The following COL9A3 variants were observed in gnomAD, a reference collection of about 807,000 sequenced individuals.
COL9A3 encodes the protein collagen type IX alpha 3 chain.
A neutral mutation model predicts 110.2 loss-of-function variants in COL9A3; 82 were observed. The observed-to-expected ratio is 0.74, with a 90% CI of 0.62 to 0.89. The LOEUF is 0.89. Ranked by LOEUF, COL9A3 falls within the 40% of genes least tolerant of loss-of-function variation. The pLI is 0.00. For synonymous variants in COL9A3, 494 were observed against 403.8 expected (o/e 1.22, Z -2.68); for missense variants, 1,066 against 981.3 (o/e 1.09, Z -1.15).
At position 62,824,994 on chromosome 20, in the gene COL9A3, G is replaced by A. The variant is rs1232007775; in HGVS notation, c.603G>A (p.Gln201=). 7 of 1,610,340 alleles carry A rather than the reference G, an allele frequency of 4.3e-6. No individual in the cohort carries two copies. The highest frequency in any genetic ancestry group is 1.7e-5 in the Admixed American group (1 of 59,828). ...FKGPTGYKGE[Q]GEVGKDGEKG... ...GACCCACTGGCTACAAAGGCGAGCA[G>A]GGGGAAGTCGGCAAGGACGGCGAGA... The change falls in exon 12 of 32, where the codon CAG becomes CAA. Residue 201 remains glutamine (Q), a synonymous_variant. Transcript: ENST00000649368.
In COL9A3 at chr20:62,821,175, C is replaced by T; in HGVS notation, c.310-6C>T. 1 of 1,612,998 alleles carries T rather than the reference C, an allele frequency of 6.2e-7. No homozygotes were observed. On this transcript the variant is annotated splice_polypyrimidine_tract_variant and splice_region_variant and intron_variant, in intron 5 of 31. Transcript: ENST00000649368. ...CCCAACCTAGACGCCTGCTTTCCTCCCACAGGGAAGTCTGGGACCCCCGGG... is the reference window on the plus strand; with the variant it reads ...CCCAACCTAGACGCCTGCTTTCCTCTCACAGGGAAGTCTGGGACCCCCGGG...
Position 62,830,518 on chromosome 20 carries a change from G to A in COL9A3, c.1217G>A (p.Gly406Asp). Residue 406 changes from glycine to aspartate, a missense_variant and splice_region_variant, in exon 24 of 32, where the codon GGC becomes GAC. Transcript: ENST00000649368. The stretch of plus-strand genomic sequence containing the variant: ...ACGAGCCAGGACCTCCTTCCCCAGG[G>A]CCAGAAGGGCAGCATGGGAGACCCC... Reference protein sequence around the residue: ...PGAPGVRGFQGQKGSMGDPGL... With the variant: ...PGAPGVRGFQDQKGSMGDPGL... The A allele has an allele frequency of 6.2e-7, 1 of 1,608,184 alleles. No homozygotes were observed. Among genetic ancestry groups the A allele is most frequent in the Non-Finnish European group, 8.5e-7 (1 of 1,178,394 alleles).
At chr20:62,832,632 T>C (rs2063605243) in intron 25 of COL9A3, among the ~76,000 whole-genome samples, 1 of 117,660 alleles carries the variant, frequency 8.5e-6, no homozygotes, top group Non-Finnish European at 2.0e-5. Flanking sequence ...TTCGAAGCAC[T>C]CTTCTTTTTG....
intron 30 of COL9A3, among the ~76,000 whole-genome samples, 156 bp from the exon 31 acceptor site, chr20:62,838,528 G>A (rs769196033): frequency 1.8e-4 from 28 of 152,238 alleles, no homozygotes; most frequent in Non-Finnish European, 2.8e-4. Flanking sequence ...GTCGGACCCC[G>A]TCAAGCCCTA....
chr20:62,839,496 C>G (rs1259785571), intron 31 of COL9A3, among the ~76,000 whole-genome samples: 3 of 152,214 alleles, frequency 2.0e-5, no homozygotes, highest in Non-Finnish European at 4.4e-5. Context: ...TTCTCAAAAC[C>G]AGGAGGCCTT....
In COL9A3 at chr20:62,828,180, G is replaced by A. The variant is rs559576979; in HGVS notation, c.900+204G>A. 2.0e-4 allele frequency among the ~76,000 whole-genome samples: 31 copies of A among 152,346 alleles called. No individual in the cohort carries two copies. In the East Asian group the frequency reaches 6.0e-3, roughly 29 times the overall value. Reference sequence around the variant, plus strand: ...GAGTGTGCAGGAGTAGGGGCCTCAGGCTGGGTTTACCTGCACAGAGGACAC... The same window carrying A: ...GAGTGTGCAGGAGTAGGGGCCTCAGACTGGGTTTACCTGCACAGAGGACAC... On this transcript the variant is annotated intron_variant, in intron 17 of 31. Coordinates refer to ENST00000649368, the MANE Select transcript of COL9A3 (RefSeq NM_001853.4).
chr20:62,829,082 G>A (rs1338311763), intron 19 of COL9A3, 106 bp downstream of exon 19: 4 of 1,261,482 alleles, frequency 3.2e-6, no homozygotes, highest in Non-Finnish European at 4.4e-6. Flanking sequence ...GACTCCCTGT[G>A]AGGGGTTCTG....
intron 22 of COL9A3, among the ~76,000 whole-genome samples, 161 bp from the exon 23 acceptor site, chr20:62,830,199 G>A (rs2063584574): frequency 6.6e-6 from 1 of 152,080 alleles, no homozygotes; most frequent in East Asian, 1.9e-4. Flanking sequence ...AACTGCCCTG[G>A]GAGGTAGCCC....
At chr20:62,830,290 G>C in intron 22 of COL9A3, 70 bp from the exon 23 acceptor site, 1 of 1,521,726 alleles carries the variant, frequency 6.6e-7, no homozygotes, top group South Asian at 1.2e-5. Flanking sequence ...GCTGAGCCAG[G>C]CTCCCTGGGG....
chr20:62,835,724 T>TA (rs1428827830), intron 26 of COL9A3, among the ~76,000 whole-genome samples, 197 bp from the exon 27 acceptor site: 1 of 152,184 alleles, frequency 6.6e-6, no homozygotes, highest in African/African-American at 2.4e-5. Context: ...AGTAAGTTTT[T>TA]AAAAAGCTTC....
chr20:62,818,531 C>T lies in COL9A3; in HGVS notation c.161C>T (p.Pro54Leu), dbSNP rs753652134. The change falls in exon 3 of 32, where the codon CCT (proline) becomes CTT (leucine). Residue 54 changes from proline to leucine, a missense_variant. Transcript: ENST00000649368. Reference sequence around the variant, plus strand: ...CTTTCCTCACAGGGAGAAGCTGGTCCTCCAGGTCTGCCTGGGCCCCCGGTG... The same window carrying T: ...CTTTCCTCACAGGGAGAAGCTGGTCTTCCAGGTCTGCCTGGGCCCCCGGTG... The part of the protein sequence containing the change: ...GQDGIDGEAG[P>L]PGLPGPPGPK... The T allele has an allele frequency of 4.3e-6, 7 of 1,613,154 alleles. No individual in the cohort carries two copies. Among genetic ancestry groups the T allele is most frequent in the Non-Finnish European group, 5.9e-6 (7 of 1,180,000 alleles).
At chr20:62,827,423 G>A in intron 16 of COL9A3, 129 bp downstream of exon 16, 1 of 918,974 alleles carries the variant, frequency 1.1e-6, no homozygotes. Context: ...GGGCCTGGGG[G>A]TGCGTGGGGG....
intron 12 of COL9A3, 33 bp downstream of exon 12, chr20:62,825,054 T>G (rs1454833230): frequency 6.5e-7 from 1 of 1,538,784 alleles, no homozygotes; most frequent in East Asian, 2.5e-5. Context: ...GGGGAGGAGC[T>G]GGGGACTGGA....
chr20:62,825,689 C>T (rs771832470), intron 12 of COL9A3, 128 bp from the exon 13 acceptor site: 2 of 952,342 alleles, frequency 2.1e-6, no homozygotes, highest in South Asian at 1.4e-5. Flanking sequence ...TTCACAGAGC[C>T]TCCAAGGCCC....
Position 62,838,810 on chromosome 20 carries a change from C to T in COL9A3, c.1864+49C>T, listed in dbSNP as rs144531624. ...CTTCACTGGGTGACATCTCTTCCGCCATCTTGTAGCTTTATGTGGGGCGTG... is the reference window on the plus strand; with the variant it reads ...CTTCACTGGGTGACATCTCTTCCGCTATCTTGTAGCTTTATGTGGGGCGTG... On this transcript the variant is annotated intron_variant, in intron 31 of 31. Coordinates refer to ENST00000649368, the MANE Select transcript of COL9A3 (RefSeq NM_001853.4). 8.9e-5 allele frequency: 128 copies of T among 1,439,670 alleles called. No homozygotes were observed. In the East Asian group the frequency reaches 2.9e-3, roughly 33 times the overall value. 89.2% of individuals were successfully genotyped at this position (1,439,670 alleles called of 1,614,324 possible). A position where few individuals can be genotyped will look rare whatever the true frequency, so the allele number is the denominator to read the frequency against.
intron 17 of COL9A3, among the ~76,000 whole-genome samples, chr20:62,828,499 A>G (rs2063571338): frequency 6.6e-6 from 1 of 152,252 alleles, no homozygotes; most frequent in Admixed American, 6.5e-5. Context: ...TTAGGGCACC[A>G]TGATGTGCCT....
intron 1 of COL9A3, 153 bp downstream of exon 1, chr20:62,817,295 G>A: frequency 3.8e-6 from 2 of 527,898 alleles, no homozygotes; most frequent in Non-Finnish European, 5.8e-6. Context: ...GATGAGCCCC[G>A]TCCGGCCGCG....
In COL9A3 at chr20:62,826,819, C is replaced by T. The variant is rs140330666; in HGVS notation, c.791C>T (p.Ala264Val). The change falls in exon 15 of 32, where the codon GCG becomes GTG. Residue 264 changes from alanine (A) to valine (V), a missense_variant and splice_region_variant. By Grantham distance (64) the Ala-to-Val change is moderately conservative (BLOSUM62 0). Coordinates refer to ENST00000649368, the MANE Select transcript of COL9A3 (RefSeq NM_001853.4). Reference sequence around the variant, plus strand: ...GGGATCCCAGGAGCGCCTGGGAAAGCGGTACGTGTGTCAGTGGACGGTGGG... The same window carrying T: ...GGGATCCCAGGAGCGCCTGGGAAAGTGGTACGTGTGTCAGTGGACGGTGGG... ...PPGIPGAPGK[A>V]GDRGERGPEG... 443 of 1,612,778 alleles carry T rather than the reference C, an allele frequency of 2.7e-4. 2 individuals are homozygous for T. In the African/African-American group the frequency reaches 4.9e-3, roughly 18 times the overall value.
At chr20:62,826,177 C>T in intron 13 of COL9A3, 27 bp from the exon 14 acceptor site, 2 of 1,552,086 alleles carry the variant, frequency 1.3e-6, no homozygotes, top group Non-Finnish European at 1.7e-6. Context: ...CAGCCCCAGC[C>T]TCTGCATCTG....
Sources: allele counts gnomAD v4.1 joint callset (sites outside exome capture counted in the v4.1 genomes callset), GRCh38; gene constraint gnomAD v4.1.1; transcripts MANE v1.5; gene names NCBI Gene and HGNC (gene_info 2026-07-23, HGNC 2026-07-21).